XIRP2: variants seen among roughly 807,000 people sequenced by gnomAD.
XIRP2 encodes the protein xin actin-binding repeat-containing protein 2.
A neutral mutation model predicts 277.0 loss-of-function variants in XIRP2; 236 were observed. That is an observed-to-expected ratio of 0.85 (90% CI 0.77 to 0.95). XIRP2 has a LOEUF of 0.95. Ranked by LOEUF, XIRP2 falls within the 40% of genes least tolerant of loss-of-function variation. The pLI is 0.00. For missense variants in XIRP2, 4,640 were observed against 4,157.5 expected (o/e 1.12, Z -3.19); for synonymous variants, 1,490 against 1,416.5 (o/e 1.05, Z -1.17).
intron 2 of XIRP2, among the ~76,000 whole-genome samples, chr2:166,999,919 A>T (rs1687320718): frequency 6.6e-6 from 1 of 152,140 alleles, no homozygotes; most frequent in South Asian, 2.1e-4. Flanking sequence ...AATTATTATA[A>T]GAAAAAAATA....
At position 167,247,280 on chromosome 2, in the gene XIRP2, A is replaced by G. The variant is rs1695303440; in HGVS notation, c.5888A>G (p.Asp1963Gly). 5 of 1,613,626 alleles carry G rather than the reference A, an allele frequency of 3.1e-6. No homozygotes were observed. The highest frequency in any genetic ancestry group is 4.2e-6 in the Non-Finnish European group (5 of 1,179,860). ...MAGSSGEQKT[D>G]IHQVAVQRNK... ...GGATCCTCGGGAGAGCAGAAAACAG[A>G]TATTCATCAGGTTGCTGTCCAGAGG... is the stretch of plus-strand genomic sequence containing the variant. Residue 1963 changes from aspartate (D) to glycine (G), a missense_variant, in exon 9 of 11, where the codon GAT (aspartate) becomes GGT (glycine). Coordinates refer to ENST00000409195, the MANE Select transcript of XIRP2 (RefSeq NM_152381.6).
At chr2:167,074,991 G>A (rs1199252763) in intron 2 of XIRP2, among the ~76,000 whole-genome samples, 1 of 152,126 alleles carries the variant, frequency 6.6e-6, no homozygotes, top group Non-Finnish European at 1.5e-5. Flanking sequence ...GACATTTAAA[G>A]AGGCTCAAAA....
At chr2:167,120,272 G>C (rs1691018623) in intron 2 of XIRP2, among the ~76,000 whole-genome samples, 1 of 152,128 alleles carries the variant, frequency 6.6e-6, no homozygotes, top group African/African-American at 2.4e-5. Flanking sequence ...ACTATTTCTA[G>C]CAGACAGCAT....
At chr2:167,237,365 C>A (rs1459445086) in intron 5 of XIRP2, among the ~76,000 whole-genome samples, 4 of 152,036 alleles carry the variant, frequency 2.6e-5, no homozygotes, top group Non-Finnish European at 5.9e-5. Context: ...GTCACTAACT[C>A]TACTCTTTCA....
chr2:167,036,016 G>C (rs1447004854), intron 2 of XIRP2, among the ~76,000 whole-genome samples: 1 of 152,214 alleles, frequency 6.6e-6, no homozygotes, highest in Non-Finnish European at 1.5e-5. Flanking sequence ...CAGAAGTCAA[G>C]ATTTGAGTTT....
intron 2 of XIRP2, among the ~76,000 whole-genome samples, chr2:167,097,628 G>A (rs970737172): frequency 6.6e-6 from 1 of 152,162 alleles, no homozygotes; most frequent in African/African-American, 2.4e-5. Flanking sequence ...CCCATTAGTT[G>A]ATGCAGTTTC....
intron 2 of XIRP2, among the ~76,000 whole-genome samples, chr2:166,975,832 A>G (rs1659631436): frequency 6.9e-6 from 1 of 145,512 alleles, no homozygotes; most frequent in Non-Finnish European, 1.5e-5. Flanking sequence ...AGGCTGAGGC[A>G]GGAGAAGAGA....
At chr2:166,933,085 C>T (rs891670572) in intron 2 of XIRP2, among the ~76,000 whole-genome samples, 1 of 151,734 alleles carries the variant, frequency 6.6e-6, no homozygotes, top group African/African-American at 2.4e-5. Flanking sequence ...CACACACACA[C>T]ATACACACAC....
At chr2:167,107,091 G>T (rs1001603478) in intron 2 of XIRP2, among the ~76,000 whole-genome samples, 11 of 151,556 alleles carry the variant, frequency 7.3e-5, no homozygotes. Context: ...TTCCATGTCA[G>T]CTGCAAATTG....
chr2:167,197,831 G>T (rs1359247754), intron 3 of XIRP2, among the ~76,000 whole-genome samples: 1 of 152,124 alleles, frequency 6.6e-6, no homozygotes, highest in African/African-American at 2.4e-5. Context: ...TACCATTGGT[G>T]TAGGAAGATT....
chr2:167,220,851 C>T (rs577840727), intron 5 of XIRP2, among the ~76,000 whole-genome samples: 1 of 152,274 alleles, frequency 6.6e-6, no homozygotes, highest in African/African-American at 2.4e-5. Flanking sequence ...TATATATCTA[C>T]TCTACGGTCC....
At chr2:166,924,413 G>T (rs73969931) in intron 2 of XIRP2, among the ~76,000 whole-genome samples, 1,583 of 152,082 alleles carry the variant, frequency 0.01, 38 homozygotes, top group African/African-American at 0.036. Context: ...TCAAACCAAG[G>T]ACATGGATCA....
At chr2:167,213,287 A>C (rs1038374865) in intron 4 of XIRP2, among the ~76,000 whole-genome samples, 1 of 152,186 alleles carries the variant, frequency 6.6e-6, no homozygotes, top group African/African-American at 2.4e-5. Context: ...TAAATCTGTG[A>C]GAAAAATATT....
intron 2 of XIRP2, among the ~76,000 whole-genome samples, chr2:167,060,521 T>C (rs1360332424): frequency 6.6e-6 from 1 of 152,196 alleles, no homozygotes; most frequent in Non-Finnish European, 1.5e-5. Context: ...GGGTTTTTTG[T>C]ATATATAGTG....
intron 3 of XIRP2, among the ~76,000 whole-genome samples, chr2:167,169,587 G>C (rs1692624856): frequency 6.6e-6 from 1 of 152,180 alleles, no homozygotes; most frequent in African/African-American, 2.4e-5. Context: ...AGTTAGTTCA[G>C]CTTTTGACTT....
chr2:166,915,658 TATTA>T (rs1279795032), intron 2 of XIRP2, among the ~76,000 whole-genome samples: 1 of 152,190 alleles, frequency 6.6e-6, no homozygotes. Context: ...TTGACTTTTC[TATTA>T]ATTAATCTAT....
rs1483074969 is a variant in XIRP2 at position 167,243,938 on chromosome 2, C to G, written c.2546C>G (p.Pro849Arg). Residue 849 changes from proline to arginine, a missense_variant, in exon 9 of 11, where the codon CCA (proline) becomes CGA (arginine). Coordinates refer to ENST00000409195, the MANE Select transcript of XIRP2 (RefSeq NM_152381.6). The stretch of plus-strand genomic sequence containing the variant: ...AAGTGTTGGATGTTTGAAACCCAGC[C>G]ATTAGACATTCTAAAAGAAGTTCCT... ...SRKCWMFETQPLDILKEVPDA... is the reference protein window; with the variant it reads ...SRKCWMFETQRLDILKEVPDA... 7 of 1,613,826 alleles carry G rather than the reference C, an allele frequency of 4.3e-6. No homozygotes were observed. The South Asian group carries it at 5.5e-5, about 13-fold the overall frequency.
intron 2 of XIRP2, among the ~76,000 whole-genome samples, chr2:167,076,763 T>G (rs1303768389): frequency 6.6e-6 from 1 of 152,184 alleles, no homozygotes; most frequent in Non-Finnish European, 1.5e-5. Flanking sequence ...GGAAAAGGGA[T>G]GTTAAGAAAA....
At chr2:167,159,310 A>G (rs1692294110) in intron 3 of XIRP2, among the ~76,000 whole-genome samples, 1 of 152,200 alleles carries the variant, frequency 6.6e-6, no homozygotes, top group East Asian at 1.9e-4. Context: ...AGGGAGAAAT[A>G]TTCTATTATG....
Sources: gnomAD v4.1 joint callset for allele counts (sites outside exome capture counted in the v4.1 genomes callset) on GRCh38, gnomAD v4.1.1 for gene constraint, MANE v1.5 for transcripts, NCBI Gene and HGNC (gene_info 2026-07-23, HGNC 2026-07-21) for gene names.